Variants in NFIB observed in about 807,000 individuals in gnomAD.
NFIB encodes the protein nuclear factor I B, also known as nuclear factor 1 B-type.
In NFIB, 11 loss-of-function variants were observed where a neutral mutation model predicts 61.5. The observed-to-expected ratio is 0.18, with a 90% CI of 0.11 to 0.30. NFIB has a LOEUF of 0.30. NFIB is among the 10% of genes least tolerant of loss of function. The pLI is 1.00. For missense variants in NFIB, 471 were observed against 608.9 expected (o/e 0.77, Z 2.38); for synonymous variants, 260 against 216.5 (o/e 1.20, Z -1.76).
At chr9:14,377,096 G>A (rs997961434) in intron 1 of NFIB, among the ~76,000 whole-genome samples, 3 of 152,106 alleles carry the variant, frequency 2.0e-5, no homozygotes, top group Non-Finnish European at 4.4e-5. Flanking sequence ...ACGGTTTGTG[G>A]GTATTATTGA....
chr9:14,212,016 G>A (rs1240328010), intron 2 of NFIB, among the ~76,000 whole-genome samples: 2 of 152,176 alleles, frequency 1.3e-5, no homozygotes, highest in Non-Finnish European at 2.9e-5. Flanking sequence ...ATGGAATATG[G>A]CCTTAGTGTT....
intron 1 of NFIB, among the ~76,000 whole-genome samples, chr9:14,354,031 CA>C (rs1588356879): frequency 6.6e-6 from 1 of 151,904 alleles, no homozygotes; most frequent in Non-Finnish European, 1.5e-5. Flanking sequence ...CTCTAAAAAC[CA>C]AAGGGGTTAC....
At chr9:14,434,563 C>T in the NFIB span, among the ~76,000 whole-genome samples, 1 of 152,162 alleles carries the variant, frequency 6.6e-6, no homozygotes, top group Admixed American at 6.5e-5. Context: ...AGGAAAGGAT[C>T]CCTTTCAAAC....
At chr9:14,349,740 G>A (rs1255920731) in intron 1 of NFIB, among the ~76,000 whole-genome samples, 2 of 152,204 alleles carry the variant, frequency 1.3e-5, no homozygotes, top group Non-Finnish European at 2.9e-5. Flanking sequence ...CTTTAACAGC[G>A]AGGACTGATG....
chr9:14,458,016 A>C, the NFIB span, among the ~76,000 whole-genome samples: 1 of 152,246 alleles, frequency 6.6e-6, no homozygotes, highest in Non-Finnish European at 1.5e-5. Flanking sequence ...AATTCACTTT[A>C]TGAGGCCAGC....
chr9:14,216,944 C>T (rs536860506), intron 2 of NFIB, among the ~76,000 whole-genome samples: 1 of 152,274 alleles, frequency 6.6e-6, no homozygotes, highest in African/African-American at 2.4e-5. Context: ...GAACAGCTAT[C>T]CATATCCATC....
At chr9:14,088,806 T>C (rs1040887) in intron 10 of NFIB, among the ~76,000 whole-genome samples, 12,904 of 152,180 alleles carry the variant, frequency 0.085, 914 homozygotes, top group South Asian at 0.29. Flanking sequence ...TTGGGTTGAA[T>C]ACAATTGAAA....
chr9:14,461,005 G>T, the NFIB span, among the ~76,000 whole-genome samples: 5 of 132,176 alleles, frequency 3.8e-5, no homozygotes, highest in African/African-American at 1.3e-4. Flanking sequence ...TTAGAGGATC[G>T]TACTTCTTTT....
intron 10 of NFIB, among the ~76,000 whole-genome samples, chr9:14,088,948 A>G (rs1476004224): frequency 1.3e-5 from 2 of 152,152 alleles, no homozygotes; most frequent in African/African-American, 4.8e-5. Flanking sequence ...TTTTTAGTAA[A>G]GACCGAACAA....
intron 2 of NFIB, chr9:14,204,902 G>A (rs2049465054): frequency 2.8e-6 from 1 of 361,448 alleles, no homozygotes; most frequent in Non-Finnish European, 5.3e-6. Flanking sequence ...TAAGCTGGTG[G>A]TAGCTATCAG....
intron 2 of NFIB, among the ~76,000 whole-genome samples, chr9:14,228,555 C>T (rs866746482): frequency 6.6e-6 from 1 of 152,146 alleles, no homozygotes; most frequent in Non-Finnish European, 1.5e-5. Flanking sequence ...AAGCCACACT[C>T]CATTTTAGTG....
chr9:14,524,074 G>A, the NFIB span, among the ~76,000 whole-genome samples: 2 of 152,226 alleles, frequency 1.3e-5, no homozygotes, highest in South Asian at 4.1e-4. Context: ...TTAGTAAAAT[G>A]GGATAGCAGC....
At chr9:14,309,814 G>A (rs1000146525) in intron 1 of NFIB, among the ~76,000 whole-genome samples, 42 of 152,146 alleles carry the variant, frequency 2.8e-4, no homozygotes, top group Non-Finnish European at 4.4e-5. Context: ...CTTTTACTAC[G>A]ATTTATTGAT....
At chr9:14,249,758 G>C (rs2055370452) in intron 2 of NFIB, among the ~76,000 whole-genome samples, 1 of 152,060 alleles carries the variant, frequency 6.6e-6, no homozygotes, top group African/African-American at 2.4e-5. Flanking sequence ...GGGCAGAAGA[G>C]AGAATGGAAA....
intron 6 of NFIB, among the ~76,000 whole-genome samples, chr9:14,132,359 T>C (rs1009378409): frequency 1.3e-5 from 2 of 152,188 alleles, no homozygotes; most frequent in Non-Finnish European, 2.9e-5. Flanking sequence ...ATGAACCCTA[T>C]AGAGACAAGT....
rs568518847 is a variant in NFIB, at chr9:14,085,081, C to A, written c.*3228G>T. On this transcript the variant is annotated 3_prime_UTR_variant, in exon 11 of 11. Coordinates refer to ENST00000380953, the MANE Select transcript of NFIB (RefSeq NM_001190737.2). ...TTGGCTGAGATGATCTGTTTGCTACCAGGGCGAGTATCACAGAAATGATTG... is the reference window on the plus strand; with the variant it reads ...TTGGCTGAGATGATCTGTTTGCTACAAGGGCGAGTATCACAGAAATGATTG... The A allele has an allele frequency of 4.4e-6, 1 of 228,880 alleles. No homozygotes were observed. The highest frequency in any genetic ancestry group is 6.2e-5 in the East Asian group (1 of 16,004). The allele number at this position is 228,880 out of a possible 1,614,324, so 14.2% of individuals were successfully genotyped here.
the NFIB span, among the ~76,000 whole-genome samples, chr9:14,525,707 T>G: frequency 6.6e-6 from 1 of 152,168 alleles, no homozygotes; most frequent in Non-Finnish European, 1.5e-5. Context: ...CTGCTACAAT[T>G]TGAAATGGAA....
intron 2 of NFIB, among the ~76,000 whole-genome samples, chr9:14,188,728 C>A (rs1315231434): frequency 6.6e-6 from 1 of 152,206 alleles, no homozygotes; most frequent in Admixed American, 6.5e-5. Context: ...CCAGCCAGAT[C>A]CAGTAGGAAA....
chr9:14,155,298 G>A (rs899074476), intron 4 of NFIB, among the ~76,000 whole-genome samples: 3 of 152,074 alleles, frequency 2.0e-5, no homozygotes, highest in Non-Finnish European at 4.4e-5. Context: ...AGGTGAAGTG[G>A]CCAGTTAAAA....
Sources: gnomAD v4.1 joint callset for allele counts (sites outside exome capture counted in the v4.1 genomes callset) on GRCh38, gnomAD v4.1.1 for gene constraint, MANE v1.5 for transcripts, NCBI Gene and HGNC (gene_info 2026-07-23, HGNC 2026-07-21) for gene names.